Variants in SPICE1 observed in about 807,000 individuals in gnomAD.
The protein encoded by SPICE1 is spindle and centriole-associated protein 1.
Under a neutral mutation model 102.7 loss-of-function variants are expected in SPICE1, and 75 were observed. The ratio of observed to expected loss-of-function variants is 0.73; its 90% CI spans 0.61 to 0.88. The LOEUF (loss-of-function observed/expected upper bound fraction) is 0.88. SPICE1 is among the 40% of genes least tolerant of loss of function. SPICE1 has a pLI of 0.00. For synonymous variants in SPICE1, 308 were observed against 350.3 expected (o/e 0.88, Z 1.35); for missense variants, 979 against 1,020.1 (o/e 0.96, Z 0.55).
intron 4 of SPICE1, among the ~76,000 whole-genome samples, chr3:113,497,879 C>CTT (rs554657969): frequency 3.0e-5 from 4 of 131,694 alleles, no homozygotes; most frequent in African/African-American, 1.1e-4. Context: ...ATCTTTAGGG[C>CTT]TTTTTTTTTT....
chr3:113,454,913 C>A (rs973593585), intron 13 of SPICE1, among the ~76,000 whole-genome samples: 1 of 152,152 alleles, frequency 6.6e-6, no homozygotes, highest in African/African-American at 2.4e-5. Context: ...ACACCACAAT[C>A]TTACACAAAA....
Position 113,457,352 on chromosome 3 carries a change from G to T in SPICE1, c.1441C>A (p.Pro481Thr), listed in dbSNP as rs1329505934. 1 of 1,614,098 alleles carries T rather than the reference G, an allele frequency of 6.2e-7. No individual in the cohort carries two copies. Residue 481 changes from proline to threonine, a missense_variant, in exon 13 of 18, where the codon CCA becomes ACA. Transcript: ENST00000295872. ...GRRVMDSPER[P>T]VVNANVSVPL... is the part of the protein sequence containing the mutation. Reference sequence around the variant, plus strand: ...ACTGAGACATTGGCATTTACAACTGGACGCTCTGAAGAAGATGAGAGGATA... The same window carrying T: ...ACTGAGACATTGGCATTTACAACTGTACGCTCTGAAGAAGATGAGAGGATA...
At chr3:113,489,297 G>A (rs1576641993) in intron 6 of SPICE1, among the ~76,000 whole-genome samples, 2 of 152,026 alleles carry the variant, frequency 1.3e-5, no homozygotes, top group African/African-American at 4.8e-5. Flanking sequence ...ATGTGAGCAA[G>A]CCTCTCCCAT....
At chr3:113,508,522 TCAA>T (rs1211383505) in intron 1 of SPICE1, among the ~76,000 whole-genome samples, 3 of 152,122 alleles carry the variant, frequency 2.0e-5, no homozygotes, top group Non-Finnish European at 4.4e-5. Context: ...GAAAAGATGT[TCAA>T]CATAATTAGT....
chr3:113,464,060 T>A (rs1292582933), intron 11 of SPICE1, among the ~76,000 whole-genome samples: 1 of 150,594 alleles, frequency 6.6e-6, no homozygotes, highest in Non-Finnish European at 1.5e-5. Context: ...AGAGTGGGAC[T>A]CCGTCTCAAA....
At chr3:113,501,044 T>TTG (rs1936998167) in intron 3 of SPICE1, among the ~76,000 whole-genome samples, 1 of 152,184 alleles carries the variant, frequency 6.6e-6, no homozygotes, top group African/African-American at 2.4e-5. Flanking sequence ...GACAATGTGG[T>TTG]ACTGGCATAA....
intron 14 of SPICE1, among the ~76,000 whole-genome samples, chr3:113,451,465 TAATAAATA>T (rs546754890): frequency 6.6e-6 from 1 of 152,042 alleles, no homozygotes; most frequent in Non-Finnish European, 1.5e-5. Flanking sequence ...TGTCTATTAG[TAATAAATA>T]AATAAATAAA....
intron 1 of SPICE1, among the ~76,000 whole-genome samples, chr3:113,511,602 C>T (rs1248878344): frequency 1.3e-5 from 2 of 152,014 alleles, no homozygotes; most frequent in South Asian, 2.1e-4. Context: ...CACACTGGGG[C>T]CTGTCAGATG....
chr3:113,496,447 G>A (rs1374934616), intron 4 of SPICE1, among the ~76,000 whole-genome samples: 1 of 151,990 alleles, frequency 6.6e-6, no homozygotes, highest in African/African-American at 2.4e-5. Context: ...TCAGAAACTC[G>A]TCATCTTAGC....
In SPICE1 at chr3:113,472,544, G is replaced by A. The variant is rs560368031; in HGVS notation, c.612-3306C>T. ...AACTAGGAGGCAACCCCCAGTAGGGGCAGACTGACACCTCACACGGCCGGG... is the reference window on the plus strand; with the variant it reads ...AACTAGGAGGCAACCCCCAGTAGGGACAGACTGACACCTCACACGGCCGGG... On this transcript the variant is annotated intron_variant, in intron 7 of 17. Transcript: ENST00000295872. Among the ~76,000 whole-genome samples, 54 of 152,330 alleles carry A rather than the reference G, an allele frequency of 3.5e-4. No individual in the cohort carries two copies. The South Asian group carries it at 0.011, about 31-fold the overall frequency.
At chr3:113,486,766 A>C (rs1380778218) in intron 7 of SPICE1, among the ~76,000 whole-genome samples, 1 of 151,510 alleles carries the variant, frequency 6.6e-6, no homozygotes, top group Non-Finnish European at 1.5e-5. Flanking sequence ...ATTTATTGTC[A>C]ATTAAAGTAA....
intron 7 of SPICE1, 138 bp downstream of exon 7, chr3:113,488,804 AATT>A: frequency 1.7e-6 from 1 of 581,932 alleles, no homozygotes. Flanking sequence ...TATCCCTGCA[AATT>A]ATTTGGAAAT....
intron 7 of SPICE1, among the ~76,000 whole-genome samples, chr3:113,482,633 G>A (rs1339085972): frequency 3.9e-5 from 6 of 152,170 alleles, no homozygotes; most frequent in African/African-American, 1.4e-4. Flanking sequence ...CATATGGCTA[G>A]CCAGTTTTCC....
At chr3:113,508,422 G>A (rs989946885) in intron 1 of SPICE1, among the ~76,000 whole-genome samples, 14 of 152,062 alleles carry the variant, frequency 9.2e-5, no homozygotes, top group South Asian at 8.3e-4. Context: ...TTTACAACTC[G>A]ACAATTTAAA....
At position 113,445,323 on chromosome 3, in the gene SPICE1, G is replaced by A; in HGVS notation, c.2552C>T (p.Ser851Phe). ...TGACTTCACTTATGATACATGGGTA[G>A]AAAGAGCAAACCAGCCTTCTTCATT... ...KQNEEGWFAL[S>F]THVS is the part of the protein sequence containing the mutation. Residue 851 changes from serine to phenylalanine, a missense_variant, in exon 18 of 18, where the codon TCT (serine) becomes TTT (phenylalanine). Physicochemically the swap from Ser to Phe is radical, Grantham distance 155 (BLOSUM62 -2). Transcript: ENST00000295872. 1.9e-6 allele frequency: 3 copies of A among 1,612,844 alleles called. No homozygotes were observed. Among genetic ancestry groups the A allele is most frequent in the Non-Finnish European group, 2.5e-6 (3 of 1,179,350 alleles).
chr3:113,451,357 T>C (rs1189466341), intron 14 of SPICE1, among the ~76,000 whole-genome samples: 1 of 152,202 alleles, frequency 6.6e-6, no homozygotes, highest in African/African-American at 2.4e-5. Flanking sequence ...TTCCTAATTA[T>C]TTCATTATTC....
chr3:113,466,810 C>G (rs898762628), intron 10 of SPICE1, among the ~76,000 whole-genome samples: 25 of 152,098 alleles, frequency 1.6e-4, no homozygotes, highest in African/African-American at 5.6e-4. Context: ...CCTTGGGAAG[C>G]CAAGGTGGGC....
At chr3:113,494,949 C>T (rs1415155027) in intron 4 of SPICE1, among the ~76,000 whole-genome samples, 2 of 152,148 alleles carry the variant, frequency 1.3e-5, no homozygotes, top group Non-Finnish European at 2.9e-5. Flanking sequence ...TCAGAATCCA[C>T]TAATGTAATC....
chr3:113,471,336 A>G (rs757888155), intron 7 of SPICE1, among the ~76,000 whole-genome samples: 6 of 152,184 alleles, frequency 3.9e-5, no homozygotes, highest in Non-Finnish European at 8.8e-5. Flanking sequence ...GTACATTCTT[A>G]TAAGAAACAG....
Sources: gnomAD v4.1 joint callset for allele counts (sites outside exome capture counted in the v4.1 genomes callset) on GRCh38, gnomAD v4.1.1 for gene constraint, MANE v1.5 for transcripts, NCBI Gene and HGNC (gene_info 2026-07-23, HGNC 2026-07-21) for gene names.